Variants in SAMD5 observed in about 807,000 individuals in gnomAD.
The protein encoded by SAMD5 is sterile alpha motif domain containing 5.
Under a neutral mutation model 11.3 loss-of-function variants are expected in SAMD5, and 13 were observed. The observed-to-expected ratio is 1.15, with a 90% CI of 0.75 to 1.83. SAMD5 has a LOEUF of 1.83. Ranked by LOEUF, SAMD5 falls within the 40% of genes most tolerant of loss-of-function variation. The pLI is 0.00. For missense variants in SAMD5, 255 were observed against 239.1 expected (o/e 1.07, Z -0.44); for synonymous variants, 129 against 111.3 (o/e 1.16, Z -1.00).
chr6:147,604,809 A>G (rs146592856), intron 1 of SAMD5, among the ~76,000 whole-genome samples: 49 of 152,310 alleles, frequency 3.2e-4, no homozygotes, highest in Admixed American at 2.0e-3. Context: ...TGCAGTCTAC[A>G]TGTGTTGATG....
chr6:147,939,746 G>A, the SAMD5 span, among the ~76,000 whole-genome samples: 1 of 151,974 alleles, frequency 6.6e-6, no homozygotes, highest in Non-Finnish European at 1.5e-5. Flanking sequence ...ACAACAAAGT[G>A]GTTCCCACCT....
the SAMD5 span, among the ~76,000 whole-genome samples, chr6:147,857,311 T>C: frequency 6.7e-6 from 1 of 149,608 alleles, no homozygotes; most frequent in East Asian, 2.0e-4. Context: ...GAGACCAGCC[T>C]GAGCAACAAA....
intron 1 of SAMD5, among the ~76,000 whole-genome samples, chr6:147,625,379 G>A (rs1790035693): frequency 6.6e-6 from 1 of 152,108 alleles, no homozygotes; most frequent in Non-Finnish European, 1.5e-5. Flanking sequence ...TAACTCTCAT[G>A]CTACCAAATA....
At chr6:147,638,290 G>C (rs973187323) in intron 1 of SAMD5, among the ~76,000 whole-genome samples, 8 of 152,172 alleles carry the variant, frequency 5.3e-5, no homozygotes, top group African/African-American at 1.9e-4. Flanking sequence ...AGGAGCATTA[G>C]CATTAGTCCA....
the SAMD5 span, among the ~76,000 whole-genome samples, chr6:147,890,188 T>C: frequency 6.6e-6 from 1 of 151,548 alleles, no homozygotes; most frequent in Admixed American, 6.6e-5. Flanking sequence ...CAGAAAAAAA[T>C]ACTACTATTA....
At chr6:147,628,253 A>C (rs1312651273) in intron 1 of SAMD5, among the ~76,000 whole-genome samples, 1 of 152,218 alleles carries the variant, frequency 6.6e-6, no homozygotes, top group Non-Finnish European at 1.5e-5. Context: ...TAATATACTA[A>C]AGAAATTGAA....
At chr6:147,917,020 T>C in the SAMD5 span, among the ~76,000 whole-genome samples, 1 of 145,318 alleles carries the variant, frequency 6.9e-6, no homozygotes, top group African/African-American at 2.6e-5. Flanking sequence ...TAAACATACA[T>C]GTGCATGTGT....
chr6:147,580,250 T>C (rs193211193), intron 1 of SAMD5, among the ~76,000 whole-genome samples: 1 of 152,174 alleles, frequency 6.6e-6, no homozygotes, highest in African/African-American at 2.4e-5. Context: ...CCAGAGAATG[T>C]TAATGTCAAG....
intron 1 of SAMD5, among the ~76,000 whole-genome samples, chr6:147,557,827 T>C: frequency 6.6e-6 from 1 of 152,214 alleles, no homozygotes; most frequent in Non-Finnish European, 1.5e-5. Context: ...GGCTTTGCTG[T>C]TGCACAGACC....
intron 1 of SAMD5, among the ~76,000 whole-genome samples, chr6:147,639,816 A>G (rs977345219): frequency 6.6e-6 from 1 of 152,196 alleles, no homozygotes; most frequent in Admixed American, 6.5e-5. Context: ...GTCATGCTCT[A>G]AAAACTTCAG....
the SAMD5 span, among the ~76,000 whole-genome samples, chr6:147,852,293 C>A: frequency 2.0e-5 from 3 of 151,924 alleles, no homozygotes; most frequent in Non-Finnish European, 4.4e-5. Flanking sequence ...AACTTATGGT[C>A]CATATGGACC....
chr6:147,865,362 T>C, the SAMD5 span, among the ~76,000 whole-genome samples: 607 of 140,424 alleles, frequency 4.3e-3, 6 homozygotes, highest in African/African-American at 0.015. Context: ...GTGTGTGTCA[T>C]AGAAAGAGGG....
At chr6:147,554,423 G>A (rs1439957497) in intron 1 of SAMD5, among the ~76,000 whole-genome samples, 10 of 152,194 alleles carry the variant, frequency 6.6e-5, no homozygotes, top group South Asian at 2.1e-4. Context: ...AAGTGAGGTC[G>A]TGGCCAGTGG....
At chr6:147,938,623 A>G in the SAMD5 span, among the ~76,000 whole-genome samples, 1 of 152,214 alleles carries the variant, frequency 6.6e-6, no homozygotes, top group African/African-American at 2.4e-5. Context: ...ATATAGGACT[A>G]TGTTTCCAAG....
At chr6:147,639,278 G>A (rs576062658) in intron 1 of SAMD5, among the ~76,000 whole-genome samples, 1 of 152,266 alleles carries the variant, frequency 6.6e-6, no homozygotes, top group South Asian at 2.1e-4. Flanking sequence ...AATTAATGAA[G>A]TAGATAATTT....
At chr6:147,697,972 G>A (rs1441549418) in intron 1 of SAMD5, among the ~76,000 whole-genome samples, 1 of 152,126 alleles carries the variant, frequency 6.6e-6, no homozygotes, top group East Asian at 1.9e-4. Context: ...TCCTGGGGTG[G>A]GAGATGGATT....
At position 147,568,143 on chromosome 6, in the gene SAMD5, T is replaced by C; in HGVS notation, c.*3687T>C. 1 of 985,390 alleles carries C rather than the reference T, an allele frequency of 1.0e-6. No homozygotes were observed. Among genetic ancestry groups the C allele is most frequent in the Non-Finnish European group, 1.2e-6 (1 of 829,906 alleles). The allele number at this position is 985,390 out of a possible 1,614,324, so 61.0% of individuals were successfully genotyped here. A position where few individuals can be genotyped will look rare whatever the true frequency, so the allele number is the denominator to read the frequency against. On this transcript the variant is annotated 3_prime_UTR_variant, in exon 2 of 2. Transcript: ENST00000367474. ...TTACAAATTAGGAGTGCAAATGGGC[T>C]GTTCCCCGATAGCATCTTCTGGGAA...
At chr6:147,744,334 T>G in the SAMD5 span, among the ~76,000 whole-genome samples, 1 of 152,160 alleles carries the variant, frequency 6.6e-6, no homozygotes, top group African/African-American at 2.4e-5. Flanking sequence ...TAGTAAATGC[T>G]AAATACATAC....
At chr6:147,619,112 T>C (rs1789919063) in intron 1 of SAMD5, among the ~76,000 whole-genome samples, 1 of 152,240 alleles carries the variant, frequency 6.6e-6, no homozygotes, top group Non-Finnish European at 1.5e-5. Flanking sequence ...TGTGAAAAGC[T>C]GGCTGTCTTG....
Sources: gnomAD v4.1 joint callset for allele counts (sites outside exome capture counted in the v4.1 genomes callset) on GRCh38, gnomAD v4.1.1 for gene constraint, MANE v1.5 for transcripts, NCBI Gene and HGNC (gene_info 2026-07-23, HGNC 2026-07-21) for gene names.